RAP1GDS1: variants seen among roughly 807,000 people sequenced by gnomAD.
RAP1GDS1 encodes Rap1 GTPase-GDP dissociation stimulator 1.
Under a neutral mutation model 71.1 loss-of-function variants are expected in RAP1GDS1, and 35 were observed. That is an observed-to-expected ratio of 0.49 (90% CI 0.38 to 0.65). The LOEUF (loss-of-function observed/expected upper bound fraction) is 0.65. Ranked by LOEUF, RAP1GDS1 falls within the 30% of genes least tolerant of loss-of-function variation. RAP1GDS1 has a pLI of 0.00. For synonymous variants in RAP1GDS1, 229 were observed against 243.1 expected, an observed-to-expected ratio of 0.94 and a Z score of 0.54; for missense variants, 663 against 706.1, an observed-to-expected ratio of 0.94 and a Z score of 0.69.
intron 4 of RAP1GDS1, among the ~76,000 whole-genome samples, chr4:98,358,406 G>T (rs1296958650): frequency 6.6e-6 from 1 of 152,018 alleles, no homozygotes; most frequent in South Asian, 2.1e-4. Flanking sequence ...TATATCCCGA[G>T]TGTGTTGTTT....
At chr4:98,371,931 A>G (rs1278293744) in intron 4 of RAP1GDS1, among the ~76,000 whole-genome samples, 3 of 152,106 alleles carry the variant, frequency 2.0e-5, no homozygotes, top group African/African-American at 7.2e-5. Context: ...CAATCTGACC[A>G]TCTCTCCCTT....
At chr4:98,309,976 T>C (rs1319015159) in intron 2 of RAP1GDS1, among the ~76,000 whole-genome samples, 2 of 152,024 alleles carry the variant, frequency 1.3e-5, no homozygotes, top group Non-Finnish European at 2.9e-5. Context: ...GTAGGTCGAC[T>C]CATTAGAATA....
intron 2 of RAP1GDS1, among the ~76,000 whole-genome samples, chr4:98,316,933 G>C (rs1446417288): frequency 6.6e-6 from 1 of 152,176 alleles, no homozygotes; most frequent in East Asian, 1.9e-4. Context: ...GTGTAAGGAT[G>C]CCGCTATGGG....
intron 1 of RAP1GDS1, among the ~76,000 whole-genome samples, chr4:98,281,895 A>C (rs534516532): frequency 6.6e-6 from 1 of 152,264 alleles, no homozygotes; most frequent in South Asian, 2.1e-4. Flanking sequence ...GGTTCTGTTT[A>C]TGTGATGAAT....
At chr4:98,279,664 G>T (rs970343899) in intron 1 of RAP1GDS1, among the ~76,000 whole-genome samples, 1 of 152,036 alleles carries the variant, frequency 6.6e-6, no homozygotes, top group African/African-American at 2.4e-5. Flanking sequence ...CAACGTACAG[G>T]TTTGTTACAT....
At chr4:98,292,894 A>G in intron 1 of RAP1GDS1, among the ~76,000 whole-genome samples, 1 of 152,182 alleles carries the variant, frequency 6.6e-6, no homozygotes, top group East Asian at 1.9e-4. Flanking sequence ...TTAGGGCTTA[A>G]AGCAGTACTT....
chr4:98,374,007 G>A (rs1027333868), intron 4 of RAP1GDS1, among the ~76,000 whole-genome samples: 1 of 152,094 alleles, frequency 6.6e-6, no homozygotes, highest in African/African-American at 2.4e-5. Context: ...TCAGAACAGC[G>A]TGCAATTTAA....
intron 7 of RAP1GDS1, among the ~76,000 whole-genome samples, chr4:98,409,050 A>C (rs1424527779): frequency 1.3e-5 from 2 of 152,158 alleles, no homozygotes; most frequent in Admixed American, 6.5e-5. Context: ...AAAAGAAAAA[A>C]AATTAAGATA....
In RAP1GDS1 at chr4:98,399,879, A is replaced by G. The variant is rs1745119406; in HGVS notation, c.638-4598A>G. Among the ~76,000 whole-genome samples the G allele has an allele frequency of 2.0e-5, 3 of 152,246 alleles. No individual in the cohort carries two copies. In the South Asian group the frequency reaches 6.2e-4, roughly 32 times the overall value. Reference sequence around the variant, plus strand: ...TCCTCAAAAACCATAAATAGGCCAGATGTGGTGGCTCACACCTGTAATCCC... The same window carrying G: ...TCCTCAAAAACCATAAATAGGCCAGGTGTGGTGGCTCACACCTGTAATCCC... On this transcript the variant is annotated intron_variant, in intron 6 of 14. Transcript: ENST00000408927.
At chr4:98,429,161 G>A (rs1395764949) in intron 12 of RAP1GDS1, among the ~76,000 whole-genome samples, 1 of 152,050 alleles carries the variant, frequency 6.6e-6, no homozygotes, top group Non-Finnish European at 1.5e-5. Flanking sequence ...TGGAGGCTTA[G>A]GCAGGAGGAT....
intron 12 of RAP1GDS1, among the ~76,000 whole-genome samples, chr4:98,427,898 A>G (rs891545867): frequency 3.3e-5 from 5 of 152,218 alleles, no homozygotes; most frequent in African/African-American, 1.2e-4. Context: ...GAGCCTGCAT[A>G]GCCAAGGCAA....
intron 4 of RAP1GDS1, 31 bp downstream of exon 4, chr4:98,352,632 C>A (rs780804358): frequency 2.5e-6 from 4 of 1,606,154 alleles, no homozygotes; most frequent in Non-Finnish European, 3.4e-6. Flanking sequence ...AATACACATA[C>A]ATTTTTAAGA....
At chr4:98,285,857 ATAAT>A (rs1400494106) in intron 1 of RAP1GDS1, among the ~76,000 whole-genome samples, 2 of 143,826 alleles carry the variant, frequency 1.4e-5, no homozygotes, top group Non-Finnish European at 3.1e-5. Flanking sequence ...ATTTAAATAA[ATAAT>A]AAATTTAAAT....
At chr4:98,411,497 A>C (rs1242701562) in intron 7 of RAP1GDS1, among the ~76,000 whole-genome samples, 1 of 152,230 alleles carries the variant, frequency 6.6e-6, no homozygotes, top group Non-Finnish European at 1.5e-5. Context: ...TGACACATTT[A>C]AAATTTCTTA....
At chr4:98,368,837 G>A (rs913553398) in intron 4 of RAP1GDS1, among the ~76,000 whole-genome samples, 1 of 152,134 alleles carries the variant, frequency 6.6e-6, no homozygotes, top group African/African-American at 2.4e-5. Flanking sequence ...ACTTCAGTTT[G>A]ATATGCATGT....
intron 1 of RAP1GDS1, among the ~76,000 whole-genome samples, chr4:98,276,535 A>G (rs776149078): frequency 6.6e-6 from 1 of 151,918 alleles, no homozygotes; most frequent in Non-Finnish European, 1.5e-5. Flanking sequence ...ATTTCCATGA[A>G]GATGGCTTTC....
intron 2 of RAP1GDS1, among the ~76,000 whole-genome samples, chr4:98,318,908 CTG>C (rs1186839288): frequency 1.3e-5 from 2 of 151,938 alleles, no homozygotes; most frequent in African/African-American, 4.8e-5. Context: ...CCACAGTTGA[CTG>C]TGAAAATTTC....
intron 2 of RAP1GDS1, among the ~76,000 whole-genome samples, chr4:98,334,928 A>T (rs932236187): frequency 1.3e-5 from 2 of 151,668 alleles, no homozygotes; most frequent in African/African-American, 4.8e-5. Flanking sequence ...AAAAAAAAAA[A>T]AAAAAAGAGA....
At chr4:98,292,182 A>G (rs965796988) in intron 1 of RAP1GDS1, among the ~76,000 whole-genome samples, 3 of 150,476 alleles carry the variant, frequency 2.0e-5, no homozygotes, top group Non-Finnish European at 4.4e-5. Flanking sequence ...GTTAGAGTGC[A>G]GTGGAGCAAT....
Sources: gnomAD v4.1 joint callset for allele counts (sites outside exome capture counted in the v4.1 genomes callset) on GRCh38, gnomAD v4.1.1 for gene constraint, MANE v1.5 for transcripts, NCBI Gene and HGNC (gene_info 2026-07-23, HGNC 2026-07-21) for gene names.